Variants in EFNA2 observed in about 807,000 individuals in gnomAD.
EFNA2 encodes ephrin-A2.
In EFNA2, 18 loss-of-function variants were observed where a neutral mutation model predicts 19.7. The ratio of observed to expected loss-of-function variants is 0.91; its 90% CI spans 0.63 to 1.35. The LOEUF (loss-of-function observed/expected upper bound fraction) is 1.35. Ranked by LOEUF, EFNA2 falls within the 40% of genes most tolerant of loss-of-function variation. The pLI is 0.00. For missense variants in EFNA2, 303 were observed against 296.0 expected, an observed-to-expected ratio of 1.02 and a Z score of -0.17; for synonymous variants, 187 against 137.8, an observed-to-expected ratio of 1.36 and a Z score of -2.50.
chr19:1,299,051 A>C (rs1469124210), intron 3 of EFNA2, among the ~76,000 whole-genome samples: 1 of 152,150 alleles, frequency 6.6e-6, no homozygotes, highest in African/African-American at 2.4e-5. Context: ...CAGCCTGGTT[A>C]ACATGGCGAA....
rs771168443 is a variant in EFNA2, at chr19:1,286,255, C to T, written c.87C>T (p.Ala29=). 4 of 1,128,238 alleles carry T rather than the reference C, an allele frequency of 3.5e-6. No homozygotes were observed. The South Asian group carries it at 7.8e-5, about 22-fold the overall frequency. The allele number at this position is 1,128,238 out of a possible 1,614,324, so 69.9% of individuals were successfully genotyped here. A position where few individuals can be genotyped will look rare whatever the true frequency, so the allele number is the denominator to read the frequency against. Reference sequence around the variant, plus strand: ...CGCCCTTCGCGCGCGCCGAGGACGCCGCCCGCGCCAACTCGGACCGCTACG... The same window carrying T: ...CGCCCTTCGCGCGCGCCGAGGACGCTGCCCGCGCCAACTCGGACCGCTACG... ...PPPPFARAED[A]ARANSDRYAV... Residue 29 remains alanine, a synonymous_variant, in exon 1 of 4, where the codon GCC becomes GCT. Transcript: ENST00000215368. This position sits in a 1 kb window ranked among gnomAD's most constrained non-coding sequence, Gnocchi z 5.6.
rs1461632238 is a variant in EFNA2, at chr19:1,301,038, G to A, written c.*1093G>A. ...CAATAAGCTCGTGTCGTCTGTCAGA[G>A]CCCCTCTCTCAACTCTGTGACCTGA... On this transcript the variant is annotated 3_prime_UTR_variant, in exon 4 of 4. Transcript: ENST00000215368. Among the ~76,000 whole-genome samples the A allele has an allele frequency of 1.3e-5, 2 of 150,326 alleles. No homozygotes were observed. The highest frequency in any genetic ancestry group is 4.9e-5 in the African/African-American group (2 of 40,744).
intron 2 of EFNA2, among the ~76,000 whole-genome samples, chr19:1,298,099 A>G (rs968011647): frequency 9.7e-5 from 13 of 133,874 alleles, no homozygotes; most frequent in African/African-American, 3.8e-4. Context: ...AAAAAAAAAA[A>G]GAATCTTTCC....
Position 1,300,268 on chromosome 19 carries a change from T to TTTTTTTTTTTTTTTG in EFNA2, c.*331_*332insTTTTTTGTTTTTTTT, listed in dbSNP as rs1162611028. The TTTTTTTTTTTTTTTG allele has an allele frequency of 5.4e-6, 1 of 185,234 alleles. No homozygotes were observed. Among genetic ancestry groups the TTTTTTTTTTTTTTTG allele is most frequent in the Non-Finnish European group, 1.0e-5 (1 of 97,790 alleles). 11.5% of individuals were successfully genotyped at this position (185,234 alleles called of 1,614,324 possible). On this transcript the variant is annotated 3_prime_UTR_variant, in exon 4 of 4. Coordinates refer to ENST00000215368, the MANE Select transcript of EFNA2 (RefSeq NM_001405.4). ...TTTTTTTTTTTTTTTTTTTTTTTTT[T>TTTTTTTTTTTTTTTG]TTTTTTTTAGTGTATTTTTCGTGGT...
rs941428181 is a variant in EFNA2, at chr19:1,296,626, G to C, written c.454+768G>C. The stretch of plus-strand genomic sequence containing the variant: ...GTCGCTCCACTGCACTCCAGCCTGG[G>C]TGGCAGAGCGAGACCCTGTCTTTAA... On this transcript the variant is annotated intron_variant, in intron 2 of 3. Coordinates refer to ENST00000215368, the MANE Select transcript of EFNA2 (RefSeq NM_001405.4). The surrounding 1 kb of genome is among the most constrained non-coding windows in gnomAD (Gnocchi z 4.4). 6.6e-6 allele frequency among the ~76,000 whole-genome samples: 1 copy of C among 152,154 alleles called. No homozygotes were observed. Among genetic ancestry groups the C allele is most frequent in the Non-Finnish European group, 1.5e-5 (1 of 68,024 alleles).
In EFNA2 at chr19:1,300,104, C is replaced by G; in HGVS notation, c.*159C>G. The stretch of plus-strand genomic sequence containing the variant: ...CCCCCGCCGGGCAGGGGCCATCCAC[C>G]CGCCCCAGGACCAGCCCTCAGGGAG... On this transcript the variant is annotated 3_prime_UTR_variant, in exon 4 of 4. Transcript: ENST00000215368. The G allele has an allele frequency of 9.2e-7, 1 of 1,082,884 alleles. No individual in the cohort carries two copies. The highest frequency in any genetic ancestry group is 1.3e-6 in the Non-Finnish European group (1 of 790,436). The allele number at this position is 1,082,884 out of a possible 1,614,324, so 67.1% of individuals were successfully genotyped here. A position where few individuals can be genotyped will look rare whatever the true frequency, so the allele number is the denominator to read the frequency against.
At position 1,287,885 on chromosome 19, in the gene EFNA2, C is replaced by T. The variant is rs963124248; in HGVS notation, c.140+1577C>T. On this transcript the variant is annotated intron_variant, in intron 1 of 3. Coordinates refer to ENST00000215368, the MANE Select transcript of EFNA2 (RefSeq NM_001405.4). The surrounding 1 kb of genome is among the most constrained non-coding windows in gnomAD (Gnocchi z 6.2). ...GCCAAACACACGAGGACCCGGCAAC[C>T]GGGGGAGGAAGGTGGTCACCAGGGC... Among the ~76,000 whole-genome samples, 3 of 152,228 alleles carry T rather than the reference C, an allele frequency of 2.0e-5. No homozygotes were observed. Among genetic ancestry groups the T allele is most frequent in the Non-Finnish European group, 2.9e-5 (2 of 68,034 alleles).
At position 1,295,667 on chromosome 19, in the gene EFNA2, A is replaced by G. The variant is rs1363277674; in HGVS notation, c.263A>G (p.His88Arg). The G allele has an allele frequency of 2.5e-6, 4 of 1,611,638 alleles. No homozygotes were observed. Among genetic ancestry groups the G allele is most frequent in the Middle Eastern group, 1.7e-4 (1 of 6,052 alleles). The part of the protein sequence containing the change: ...APLPPAERME[H>R]YVLYMVNGEG... ...CTGCCGCCGGCCGAGCGCATGGAGC[A>G]CTACGTGCTGTACATGGTCAACGGC... The change falls in exon 2 of 4, where the codon CAC (histidine) becomes CGC (arginine). Residue 88 changes from histidine (H) to arginine (R), a missense_variant. Physicochemically the swap from His to Arg is conservative, Grantham distance 29. Coordinates refer to ENST00000215368, the MANE Select transcript of EFNA2 (RefSeq NM_001405.4). The surrounding 1 kb of genome is among the most constrained non-coding windows in gnomAD (Gnocchi z 5.8).
At position 1,298,551 on chromosome 19, in the gene EFNA2, C is replaced by T; in HGVS notation, c.455C>T (p.Ser152Phe). Reference sequence around the variant, plus strand: ...CTCATCCCCATCCCCTCTCTTCTAGCTGCCACGCCTCCCAATGCTGTGGAC... The same window carrying T: ...CTCATCCCCATCCCCTCTCTTCTAGTTGCCACGCCTCCCAATGCTGTGGAC... ...FRPGHEYYYI[S>F]ATPPNAVDRP... is the part of the protein sequence containing the mutation. Residue 152 changes from serine to phenylalanine, a missense_variant and splice_region_variant, in exon 3 of 4, where the codon TCT becomes TTT. Coordinates refer to ENST00000215368, the MANE Select transcript of EFNA2 (RefSeq NM_001405.4). 2 of 1,613,988 alleles carry T rather than the reference C, an allele frequency of 1.2e-6. No homozygotes were observed. Among genetic ancestry groups the T allele is most frequent in the Non-Finnish European group, 1.7e-6 (2 of 1,179,980 alleles).
Position 1,286,244 on chromosome 19 carries a change from G to T in EFNA2, c.76G>T (p.Ala26Ser). ...GCTGCCGCCGCCGCCCTTCGCGCGCGCCGAGGACGCCGCCCGCGCCAACTC... is the reference window on the plus strand; with the variant it reads ...GCTGCCGCCGCCGCCCTTCGCGCGCTCCGAGGACGCCGCCCGCGCCAACTC... ...LPLPPPPFAR[A>S]EDAARANSDR... The change falls in exon 1 of 4, where the codon GCC (alanine) becomes TCC (serine). Residue 26 changes from alanine to serine, a missense_variant. Transcript: ENST00000215368. This position sits in a 1 kb window ranked among gnomAD's most constrained non-coding sequence, Gnocchi z 5.6. 7.1e-6 allele frequency: 8 copies of T among 1,128,972 alleles called. No homozygotes were observed. The highest frequency in any genetic ancestry group is 8.8e-6 in the Non-Finnish European group (8 of 907,458). 69.9% of individuals were successfully genotyped at this position (1,128,972 alleles called of 1,614,324 possible).
Position 1,285,940 on chromosome 19 carries a change from G to C in EFNA2, c.-229G>C, listed in dbSNP as rs967788544. 6.9e-6 allele frequency among the ~76,000 whole-genome samples: 1 copy of C among 145,494 alleles called. No homozygotes were observed. Among genetic ancestry groups the C allele is most frequent in the African/African-American group, 2.5e-5 (1 of 40,630 alleles). ...GCGCTCCGACAGTCCGCGCGGCCGG[G>C]TCCTGCGCCCGGGGCGACCCCGGCG... On this transcript the variant is annotated 5_prime_UTR_variant, in exon 1 of 4. Coordinates refer to ENST00000215368, the MANE Select transcript of EFNA2 (RefSeq NM_001405.4). This position sits in a 1 kb window ranked among gnomAD's most constrained non-coding sequence, Gnocchi z 4.1.
chr19:1,290,033 G>C (rs1004017273), intron 1 of EFNA2, among the ~76,000 whole-genome samples: 5 of 151,988 alleles, frequency 3.3e-5, no homozygotes, highest in Admixed American at 6.5e-5. Flanking sequence ...ACTCAGACTC[G>C]GGAGTCTGGG....
intron 1 of EFNA2, among the ~76,000 whole-genome samples, chr19:1,293,325 G>A (rs1291130643): frequency 1.3e-5 from 2 of 152,238 alleles, no homozygotes; most frequent in African/African-American, 2.4e-5. Context: ...TGCCCAAGGG[G>A]CCAGCGGGTC....
chr19:1,285,841 G>C (rs909276121), upstream of EFNA2, among the ~76,000 whole-genome samples: 18 of 147,442 alleles, frequency 1.2e-4, no homozygotes, highest in Non-Finnish European at 2.3e-4. The surrounding 1 kb of genome is among the most constrained non-coding windows in gnomAD (Gnocchi z 4.1). Context: ...GGGCGCCCGC[G>C]GCCCTCCCGA....
upstream of EFNA2, among the ~76,000 whole-genome samples, chr19:1,284,618 A>G (rs1475852816): frequency 6.6e-6 from 1 of 152,228 alleles, no homozygotes; most frequent in Admixed American, 6.5e-5. The surrounding 1 kb of genome is among the most constrained non-coding windows in gnomAD (Gnocchi z 5.3). Flanking sequence ...CGCAGGAGAC[A>G]CAGGACAGAG....
intron 1 of EFNA2, among the ~76,000 whole-genome samples, chr19:1,290,182 G>C (rs1418674265): frequency 1.3e-5 from 2 of 152,164 alleles, no homozygotes; most frequent in East Asian, 3.9e-4. Flanking sequence ...AGGCCTGAGG[G>C]TGGTCCCAGG....
At chr19:1,299,798 G>A in intron 3 of EFNA2, 26 bp from the exon 4 acceptor site, 2 of 1,583,246 alleles carry the variant, frequency 1.3e-6, no homozygotes, top group East Asian at 2.3e-5. Flanking sequence ...GGCGGCCGCT[G>A]AGCGTGCTGT....
chr19:1,287,763 G>A lies in EFNA2; in HGVS notation c.140+1455G>A, dbSNP rs961835067. Among the ~76,000 whole-genome samples, 2 of 152,254 alleles carry A rather than the reference G, an allele frequency of 1.3e-5. No homozygotes were observed. The highest frequency in any genetic ancestry group is 4.8e-5 in the African/African-American group (2 of 41,464). Reference sequence around the variant, plus strand: ...TGATTAAGGCTGTCGCTGGCCGTGCGGGGAGTCCAGCGGGCAGCGCTTCCC... The same window carrying A: ...TGATTAAGGCTGTCGCTGGCCGTGCAGGGAGTCCAGCGGGCAGCGCTTCCC... On this transcript the variant is annotated intron_variant, in intron 1 of 3. Transcript: ENST00000215368. The surrounding 1 kb of genome is among the most constrained non-coding windows in gnomAD (Gnocchi z 6.2).
Position 1,295,508 on chromosome 19 carries a change from C to T in EFNA2, c.141-37C>T. The T allele has an allele frequency of 6.6e-7, 1 of 1,510,316 alleles. No homozygotes were observed. Among genetic ancestry groups the T allele is most frequent in the Non-Finnish European group, 8.8e-7 (1 of 1,132,092 alleles). The allele number at this position is 1,510,316 out of a possible 1,614,324, so 93.6% of individuals were successfully genotyped here. A position where few individuals can be genotyped will look rare whatever the true frequency, so the allele number is the denominator to read the frequency against. On this transcript the variant is annotated intron_variant, in intron 1 of 3. Coordinates refer to ENST00000215368, the MANE Select transcript of EFNA2 (RefSeq NM_001405.4). This position sits in a 1 kb window ranked among gnomAD's most constrained non-coding sequence, Gnocchi z 5.8. ...ACCCCGACCCGTGCCCCGTTCCTCG[C>T]TCCGGGCGCTGACCTCTGGCCGCCT...
Sources: gnomAD v4.1 joint callset for allele counts (sites outside exome capture counted in the v4.1 genomes callset) on GRCh38, gnomAD v4.1.1 for gene constraint, Gnocchi (gnomAD v3.1) non-coding constraint, MANE v1.5 for transcripts, NCBI Gene and HGNC (gene_info 2026-07-23, HGNC 2026-07-21) for gene names.